TLK2: variants seen among roughly 807,000 people sequenced by gnomAD.
TLK2 encodes serine/threonine-protein kinase tousled-like 2.
In TLK2, 6 loss-of-function variants were observed where a neutral mutation model predicts 117.3. The observed-to-expected ratio is 0.05, with a 90% CI of 0.03 to 0.10. TLK2 has a LOEUF of 0.10. Ranked by LOEUF, TLK2 falls within the 10% of genes least tolerant of loss-of-function variation. TLK2 has a pLI of 1.00. For synonymous variants in TLK2, 257 were observed against 316.7 expected, an observed-to-expected ratio of 0.81 and a Z score of 2.00; for missense variants, 299 against 901.2, an observed-to-expected ratio of 0.33 and a Z score of 8.56.
intron 18 of TLK2, 52 bp from the exon 19 acceptor site, chr17:62,601,990 T>G (rs903312022): frequency 4.5e-6 from 7 of 1,553,516 alleles, no homozygotes; most frequent in African/African-American, 1.4e-5. Flanking sequence ...CTTTGGGTTT[T>G]TCTCTTAAAT....
intron 11 of TLK2, among the ~76,000 whole-genome samples, chr17:62,569,474 T>C (rs1324075894): frequency 2.8e-5 from 4 of 141,772 alleles, no homozygotes; most frequent in East Asian, 4.3e-4. Context: ...GTTGCTCTGT[T>C]GCCCAGGCTG....
intron 3 of TLK2, 39 bp downstream of exon 3, chr17:62,520,883 T>G: frequency 5.0e-6 from 8 of 1,605,140 alleles, no homozygotes; most frequent in Non-Finnish European, 6.8e-6. Context: ...TTCATACTTG[T>G]ACGTTTGGGC....
intron 7 of TLK2, among the ~76,000 whole-genome samples, chr17:62,542,310 A>C (rs1220321070): frequency 6.6e-6 from 1 of 152,196 alleles, no homozygotes; most frequent in East Asian, 1.9e-4. Context: ...TGGTGGAGAC[A>C]GGGTCCCACT....
intron 2 of TLK2, among the ~76,000 whole-genome samples, chr17:62,500,986 C>G (rs1295679616): frequency 6.6e-6 from 1 of 152,170 alleles, no homozygotes; most frequent in East Asian, 1.9e-4. Context: ...CACCTGTAAT[C>G]CCAGCACTTT....
intron 6 of TLK2, among the ~76,000 whole-genome samples, chr17:62,528,011 G>C (rs1214014968): frequency 2.6e-5 from 4 of 152,194 alleles, no homozygotes; most frequent in Non-Finnish European, 5.9e-5. Context: ...AAAGTGTTGG[G>C]ATTACAGGCA....
At chr17:62,516,291 T>G (rs924666675) in intron 2 of TLK2, 9 of 991,600 alleles carry the variant, frequency 9.1e-6, no homozygotes, top group African/African-American at 8.0e-5. Context: ...GGCTGTAAAT[T>G]TATTCAATGC....
chr17:62,580,658 G>C (rs2081146005), intron 15 of TLK2, among the ~76,000 whole-genome samples: 1 of 152,058 alleles, frequency 6.6e-6, no homozygotes, highest in Admixed American at 6.6e-5. Context: ...GAGTGTCCTG[G>C]CTTAGAGTGC....
intron 6 of TLK2, among the ~76,000 whole-genome samples, chr17:62,529,077 T>C (rs1221674040): frequency 6.6e-6 from 1 of 152,198 alleles, no homozygotes; most frequent in Non-Finnish European, 1.5e-5. Flanking sequence ...CTTAGGTATT[T>C]TTATTTTTGG....
At chr17:62,540,950 C>T (rs566036120) in intron 7 of TLK2, among the ~76,000 whole-genome samples, 1 of 152,280 alleles carries the variant, frequency 6.6e-6, no homozygotes, top group Non-Finnish European at 1.5e-5. Flanking sequence ...CTACCTTTCT[C>T]ATCAGATTCC....
At chr17:62,581,610 G>T (rs567797460) in intron 15 of TLK2, among the ~76,000 whole-genome samples, 1 of 151,394 alleles carries the variant, frequency 6.6e-6, no homozygotes, top group East Asian at 2.0e-4. Flanking sequence ...GCTAATTTTT[G>T]TATTTTTTTT....
chr17:62,499,053 G>A (rs911750425), intron 2 of TLK2, among the ~76,000 whole-genome samples: 1 of 151,914 alleles, frequency 6.6e-6, no homozygotes. Flanking sequence ...TTGTAAAGAC[G>A]AGGTTGGCCA....
At chr17:62,528,045 A>G (rs2145680118) in intron 6 of TLK2, among the ~76,000 whole-genome samples, 1 of 152,222 alleles carries the variant, frequency 6.6e-6, no homozygotes, top group African/African-American at 2.4e-5. Flanking sequence ...CCAGCCTAGA[A>G]TGTTAATCTC....
chr17:62,597,039 C>T (rs1323773656), intron 17 of TLK2, among the ~76,000 whole-genome samples: 3 of 151,982 alleles, frequency 2.0e-5, no homozygotes, highest in African/African-American at 7.3e-5. Context: ...CTGTATGATT[C>T]ACACATGTAA....
At chr17:62,473,365 C>T (rs1293101216) in intron 1 of TLK2, among the ~76,000 whole-genome samples, 1 of 152,126 alleles carries the variant, frequency 6.6e-6, no homozygotes, top group East Asian at 1.9e-4. Flanking sequence ...AGGCACTAGG[C>T]TAGGGAGGTG....
chr17:62,580,240 T>C (rs1459374883), intron 15 of TLK2, 48 bp downstream of exon 15: 4 of 1,401,634 alleles, frequency 2.9e-6, no homozygotes, highest in Non-Finnish European at 4.0e-6. Flanking sequence ...AATTATCGGC[T>C]CCTACCAACT....
At chr17:62,559,683 A>AT (rs1272092565) in intron 9 of TLK2, among the ~76,000 whole-genome samples, 1 of 152,114 alleles carries the variant, frequency 6.6e-6, no homozygotes, top group South Asian at 2.1e-4. Context: ...CAGCTTTAAC[A>AT]TTTTTTTAAT....
upstream of TLK2, among the ~76,000 whole-genome samples, chr17:62,478,586 G>C (rs1020866822): frequency 2.8e-4 from 42 of 150,748 alleles, no homozygotes; most frequent in African/African-American, 9.2e-4. Context: ...GCCGTCCGGC[G>C]AGGCGCGGCT....
At chr17:62,543,299 G>T (rs1790220026) in intron 7 of TLK2, among the ~76,000 whole-genome samples, 1 of 152,136 alleles carries the variant, frequency 6.6e-6, no homozygotes, top group African/African-American at 2.4e-5. Context: ...TATTATGAAT[G>T]ATGTTGCTAT....
At chr17:62,530,598 A>C (rs2076677770) in intron 6 of TLK2, among the ~76,000 whole-genome samples, 3 of 152,228 alleles carry the variant, frequency 2.0e-5, no homozygotes. Context: ...ATTTGGTGGT[A>C]GTGGTGTATG....
Sources: allele counts gnomAD v4.1 joint callset (sites outside exome capture counted in the v4.1 genomes callset), GRCh38; gene constraint gnomAD v4.1.1; transcripts MANE v1.5; gene names NCBI Gene and HGNC (gene_info 2026-07-23, HGNC 2026-07-21).